Variants in NAALADL2 observed in about 807,000 individuals in gnomAD.
NAALADL2 encodes inactive N-acetylated-alpha-linked acidic dipeptidase-like protein 2.
In NAALADL2, 76 loss-of-function variants were observed where a neutral mutation model predicts 87.2. The observed-to-expected ratio is 0.87, with a 90% CI of 0.72 to 1.05. The LOEUF (loss-of-function observed/expected upper bound fraction) is 1.05, where lower values mean the gene tolerates loss of function less well. NAALADL2 is among the 50% of genes least tolerant of loss of function. The pLI, the probability that NAALADL2 is intolerant of heterozygous loss-of-function variation, is 0.00. For synonymous variants in NAALADL2, 354 were observed against 331.0 expected (o/e 1.07, Z -0.75); for missense variants, 1,089 against 945.8 (o/e 1.15, Z -1.99).
chr3:174,841,315 GA>G (rs1723999219), intron 3 of NAALADL2, among the ~76,000 whole-genome samples: 2 of 152,146 alleles, frequency 1.3e-5, no homozygotes, highest in Non-Finnish European at 2.9e-5. Flanking sequence ...GATATTAAGT[GA>G]AAAGAATAGA....
intron 1 of NAALADL2, among the ~76,000 whole-genome samples, chr3:174,549,274 T>G (rs1236716994): frequency 6.6e-6 from 1 of 152,224 alleles, no homozygotes; most frequent in Non-Finnish European, 1.5e-5. Context: ...TGACATATAT[T>G]AAGAGCTGGA....
chr3:174,632,909 T>C (rs1485621343), intron 2 of NAALADL2, among the ~76,000 whole-genome samples: 7 of 114,886 alleles, frequency 6.1e-5, no homozygotes, highest in Non-Finnish European at 1.1e-4. Context: ...CACTCCAGCC[T>C]GGAGACAGAG....
At position 175,584,083 on chromosome 3, in the gene NAALADL2, G is replaced by T. The variant is rs560205280; in HGVS notation, c.1800+7896G>T. Among the ~76,000 whole-genome samples the T allele has an allele frequency of 2.6e-5, 4 of 151,156 alleles. No homozygotes were observed. In the East Asian group the frequency reaches 7.8e-4, roughly 29 times the overall value. On this transcript the variant is annotated intron_variant, in intron 10 of 13. Transcript: ENST00000454872. ...GATGGAGTCTGGGTCTGTCACCCAG[G>T]CTAGAGTGCATTGGTGCGATCTCAG...
At chr3:175,432,974 C>G (rs115730931) in intron 5 of NAALADL2, among the ~76,000 whole-genome samples, 70 of 152,164 alleles carry the variant, frequency 4.6e-4, no homozygotes, top group African/African-American at 1.7e-3. Flanking sequence ...CCTGCTGAAG[C>G]ATCTTTGCTG....
At chr3:175,699,373 G>A (rs1243737473) in intron 11 of NAALADL2, among the ~76,000 whole-genome samples, 4 of 151,990 alleles carry the variant, frequency 2.6e-5, no homozygotes, top group Non-Finnish European at 5.9e-5. Context: ...AAAGAACTAT[G>A]CTGTTTTCTT....
At chr3:174,831,471 G>T (rs1722679104) in intron 3 of NAALADL2, among the ~76,000 whole-genome samples, 1 of 140,892 alleles carries the variant, frequency 7.1e-6, no homozygotes, top group African/African-American at 2.7e-5. Context: ...CTTGATCATG[G>T]TGGATAAGCT....
chr3:175,069,040 C>T lies in NAALADL2; in HGVS notation c.44-27750C>T, dbSNP rs559880818. Among the ~76,000 whole-genome samples, 4 of 152,098 alleles carry T rather than the reference C, an allele frequency of 2.6e-5. No homozygotes were observed. In the East Asian group the frequency reaches 7.7e-4, roughly 29 times the overall value. ...ATGGATTAAAGACTTAAACGTTAGA[C>T]CTAAAACAATAAAAACCCTAGAAGA... is the stretch of plus-strand genomic sequence containing the variant. On this transcript the variant is annotated intron_variant, in intron 1 of 13. Coordinates refer to ENST00000454872, the MANE Select transcript of NAALADL2 (RefSeq NM_207015.3).
intron 1 of NAALADL2, among the ~76,000 whole-genome samples, chr3:175,004,073 T>A (rs1419412875): frequency 6.6e-6 from 1 of 152,140 alleles, no homozygotes; most frequent in East Asian, 1.9e-4. Flanking sequence ...TACAGTAACC[T>A]TTTAATCGAA....
rs771334609 is a variant in NAALADL2 at position 175,803,079 on chromosome 3, C to A, written c.2264C>A (p.Pro755His). 1.2e-6 allele frequency: 2 copies of A among 1,612,144 alleles called. No individual in the cohort carries two copies. Among genetic ancestry groups the A allele is most frequent in the East Asian group, 4.5e-5 (2 of 44,832 alleles). The change falls in exon 14 of 14, where the codon CCC becomes CAC. Residue 755 changes from proline (P) to histidine (H), a missense_variant. Physicochemically the swap from Pro to His is moderately conservative, Grantham distance 77. Transcript: ENST00000454872. ...ATAGAGGCTTGGGAACACTGCAAAC[C>A]CCTTGCATCAAATGAGACCCTTCAA... The part of the protein sequence containing the change: ...ILIEAWEHCK[P>H]LASNETLQEA...
intron 2 of NAALADL2, among the ~76,000 whole-genome samples, chr3:174,706,166 C>T (rs1408961844): frequency 1.3e-5 from 2 of 152,136 alleles, no homozygotes; most frequent in Non-Finnish European, 2.9e-5. Flanking sequence ...CATACACAAT[C>T]GTCTTTTGAC....
At chr3:175,002,073 A>G (rs755762120) in intron 1 of NAALADL2, among the ~76,000 whole-genome samples, 4 of 152,162 alleles carry the variant, frequency 2.6e-5, no homozygotes, top group Non-Finnish European at 4.4e-5. Context: ...CAAGTTTCCC[A>G]TGATACGTCC....
intron 9 of NAALADL2, among the ~76,000 whole-genome samples, chr3:175,521,299 T>C (rs1418100030): frequency 6.6e-6 from 1 of 152,178 alleles, no homozygotes; most frequent in Non-Finnish European, 1.5e-5. Flanking sequence ...AATGATATTC[T>C]ATCTTTGGAA....
intron 5 of NAALADL2, among the ~76,000 whole-genome samples, chr3:175,378,294 C>T (rs1413797454): frequency 2.6e-5 from 4 of 152,206 alleles, no homozygotes; most frequent in Admixed American, 6.5e-5. Flanking sequence ...TGCTCCTGCA[C>T]TCCAGTTCCC....
chr3:175,519,037 C>T (rs1187531953), intron 9 of NAALADL2, among the ~76,000 whole-genome samples: 2 of 152,170 alleles, frequency 1.3e-5, no homozygotes, highest in Non-Finnish European at 2.9e-5. Flanking sequence ...ATGTTAATAG[C>T]CTGACTGGGG....
At chr3:174,965,651 G>A (rs1742762125) in intron 1 of NAALADL2, among the ~76,000 whole-genome samples, 1 of 152,094 alleles carries the variant, frequency 6.6e-6, no homozygotes, top group African/African-American at 2.4e-5. Flanking sequence ...AAAACAACAT[G>A]AAGAAGAGAA....
At chr3:175,622,976 ATGT>A (rs999470385) in intron 10 of NAALADL2, among the ~76,000 whole-genome samples, 5 of 152,092 alleles carry the variant, frequency 3.3e-5, no homozygotes, top group Non-Finnish European at 5.9e-5. Flanking sequence ...TGATAAGAAG[ATGT>A]TGTGAACAAT....
intron 3 of NAALADL2, among the ~76,000 whole-genome samples, chr3:174,764,889 A>G (rs1481339707): frequency 6.6e-6 from 1 of 152,298 alleles, no homozygotes; most frequent in South Asian, 2.1e-4. Flanking sequence ...ACTAGAAACA[A>G]CCAGGGAAAA....
At chr3:175,467,656 T>G (rs907419824) in intron 8 of NAALADL2, among the ~76,000 whole-genome samples, 1 of 152,146 alleles carries the variant, frequency 6.6e-6, no homozygotes, top group Non-Finnish European at 1.5e-5. Context: ...AATCCACTTT[T>G]TCCTCCTTTT....
intron 13 of NAALADL2, among the ~76,000 whole-genome samples, chr3:175,768,742 C>T (rs1225801160): frequency 6.6e-6 from 1 of 151,864 alleles, no homozygotes; most frequent in African/African-American, 2.4e-5. Context: ...GTCCTAGCTT[C>T]TCAGGAGGCT....
Sources: gnomAD v4.1 joint callset for allele counts (sites outside exome capture counted in the v4.1 genomes callset) on GRCh38, gnomAD v4.1.1 for gene constraint, MANE v1.5 for transcripts, NCBI Gene and HGNC (gene_info 2026-07-23, HGNC 2026-07-21) for gene names.